The following LOC128462377 variants were observed in gnomAD, a reference collection of about 807,000 sequenced individuals.
chr16:89,364,807 C>T, the LOC128462377 span, among the ~76,000 whole-genome samples: 2 of 152,226 alleles, frequency 1.3e-5, no homozygotes, highest in Admixed American at 1.3e-4. Context: ...CTCATCTCGG[C>T]TCCAAGTGGA....
At chr16:89,326,384 C>A in the LOC128462377 span, among the ~76,000 whole-genome samples, 3 of 151,966 alleles carry the variant, frequency 2.0e-5, no homozygotes, top group Admixed American at 6.6e-5. Context: ...CACCGCCCCC[C>A]CCACCCCGCT....
the LOC128462377 span, among the ~76,000 whole-genome samples, chr16:89,367,915 G>A: frequency 4.6e-5 from 7 of 152,184 alleles, no homozygotes; most frequent in Admixed American, 2.6e-4. Flanking sequence ...GAGGTGGGAG[G>A]ATCACTTGAG....
chr16:89,361,102 A>G, the LOC128462377 span, among the ~76,000 whole-genome samples: 5 of 152,212 alleles, frequency 3.3e-5, no homozygotes, highest in African/African-American at 1.2e-4. Context: ...CTCATTGTGG[A>G]AACCTGTCAA....
the LOC128462377 span, among the ~76,000 whole-genome samples, chr16:89,371,048 T>C: frequency 6.6e-6 from 1 of 152,162 alleles, no homozygotes; most frequent in African/African-American, 2.4e-5. Context: ...CCCCGTCTCA[T>C]GACGAAGGGG....
chr16:89,318,231 C>A, the LOC128462377 span, among the ~76,000 whole-genome samples: 1 of 152,232 alleles, frequency 6.6e-6, no homozygotes, highest in Non-Finnish European at 1.5e-5. Flanking sequence ...GGCATGGACA[C>A]TCTCGGAGCA....
chr16:89,332,240 A>G, the LOC128462377 span, among the ~76,000 whole-genome samples: 4 of 152,366 alleles, frequency 2.6e-5, no homozygotes, highest in East Asian at 7.7e-4. Context: ...TCATTTTACA[A>G]GCAGACTATA....
chr16:89,377,348 G>A, the LOC128462377 span, among the ~76,000 whole-genome samples: 1 of 152,126 alleles, frequency 6.6e-6, no homozygotes, highest in South Asian at 2.1e-4. Context: ...AGAAAGCCAT[G>A]AAAGCTGTCA....
the LOC128462377 span, among the ~76,000 whole-genome samples, chr16:89,338,226 C>T: frequency 8.5e-5 from 13 of 152,232 alleles, no homozygotes; most frequent in African/African-American, 2.2e-4. Context: ...CAGCCCAGCA[C>T]GTCCACTCAG....
the LOC128462377 span, among the ~76,000 whole-genome samples, chr16:89,367,786 T>A: frequency 6.6e-6 from 1 of 152,208 alleles, no homozygotes; most frequent in East Asian, 1.9e-4. Flanking sequence ...TCTTGCAAAC[T>A]ATGACTTGTT....
At chr16:89,407,870 A>C in the LOC128462377 span, among the ~76,000 whole-genome samples, 1 of 150,922 alleles carries the variant, frequency 6.6e-6, no homozygotes, top group Non-Finnish European at 1.5e-5. Context: ...AAAAAAAAAA[A>C]AAAGAAGAAG....
chr16:89,414,687 G>C, the LOC128462377 span, among the ~76,000 whole-genome samples: 1 of 152,180 alleles, frequency 6.6e-6, no homozygotes, highest in Non-Finnish European at 1.5e-5. Flanking sequence ...GCACCAGTCA[G>C]CCCATCACAC....
the LOC128462377 span, among the ~76,000 whole-genome samples, chr16:89,406,692 GAAGGACAGACTTC>G: frequency 3.9e-5 from 6 of 152,188 alleles, no homozygotes; most frequent in Non-Finnish European, 8.8e-5. Flanking sequence ...CTGGAGGAAG[GAAGGACAGACTTC>G]TGAAGAAGAT....
chr16:89,355,005 C>T, the LOC128462377 span, among the ~76,000 whole-genome samples: 1 of 152,214 alleles, frequency 6.6e-6, no homozygotes, highest in Non-Finnish European at 1.5e-5. Flanking sequence ...CACAGATTCA[C>T]ATGCTGAAGA....
At chr16:89,352,379 C>T in the LOC128462377 span, among the ~76,000 whole-genome samples, 1 of 151,498 alleles carries the variant, frequency 6.6e-6, no homozygotes, top group African/African-American at 2.4e-5. Context: ...AGGCAGCCCC[C>T]CAAGAAAACC....
the LOC128462377 span, among the ~76,000 whole-genome samples, chr16:89,384,076 C>T: frequency 6.6e-6 from 1 of 152,196 alleles, no homozygotes; most frequent in Non-Finnish European, 1.5e-5. Context: ...AAAAATTAGC[C>T]GGGCGTGGTG....
the LOC128462377 span, chr16:89,323,142 C>A: frequency 2.7e-6 from 1 of 365,158 alleles, no homozygotes; most frequent in Non-Finnish European, 5.2e-6. Context: ...AAGGGAGAAG[C>A]ACGGTCTCCA....
At chr16:89,379,341 G>A in the LOC128462377 span, among the ~76,000 whole-genome samples, 8 of 152,210 alleles carry the variant, frequency 5.3e-5, no homozygotes, top group African/African-American at 1.2e-4. Flanking sequence ...AATTTTAAAT[G>A]GCTCAAATCA....
At chr16:89,382,112 G>A in the LOC128462377 span, among the ~76,000 whole-genome samples, 3 of 152,166 alleles carry the variant, frequency 2.0e-5, no homozygotes, top group Non-Finnish European at 4.4e-5. Flanking sequence ...CGAGGGGGAC[G>A]CGGCCTCCCA....
the LOC128462377 span, chr16:89,324,133 C>T: frequency 1.1e-6 from 1 of 871,436 alleles, no homozygotes; most frequent in African/African-American, 1.8e-5. Flanking sequence ...GCACAACGCT[C>T]TCTACTGCAG....
Sources: allele counts gnomAD v4.1 joint callset (sites outside exome capture counted in the v4.1 genomes callset), GRCh38; gene constraint gnomAD v4.1.1; transcripts MANE v1.5.